Variants in WDR18 observed in about 807,000 individuals in gnomAD.
The protein encoded by WDR18 is WD repeat-containing protein 18.
A neutral mutation model predicts 49.6 loss-of-function variants in WDR18; 33 were observed. The observed-to-expected ratio is 0.67, with a 90% confidence interval of 0.50 to 0.89. WDR18 has a LOEUF of 0.89. Among genes scored for constraint, WDR18 ranks in the 40% least tolerant of loss-of-function variants. The probability of loss-of-function intolerance (pLI) is 0.00; values close to 1 mark genes in which losing one functional copy is unlikely to be tolerated. For missense variants in WDR18, 653 were observed against 593.6 expected, an observed-to-expected ratio of 1.10 and a Z score of -1.04; for synonymous variants, 315 against 263.6, an observed-to-expected ratio of 1.19 and a Z score of -1.89.
upstream of WDR18, among the ~76,000 whole-genome samples, chr19:983,654 G>A (rs928676770): frequency 2.0e-5 from 3 of 151,902 alleles, no homozygotes; most frequent in Non-Finnish European, 4.4e-5. Flanking sequence ...CAGAACTGGC[G>A]ACTTGTTTGA....
chr19:986,088 G>A, intron 2 of WDR18, 113 bp downstream of exon 2: 2 of 958,184 alleles, frequency 2.1e-6, no homozygotes, highest in Admixed American at 2.1e-5. Context: ...ATGGGTGACT[G>A]CTCAGGGGTT....
upstream of WDR18, among the ~76,000 whole-genome samples, chr19:983,765 C>A (rs1231787033): frequency 6.6e-6 from 1 of 151,472 alleles, no homozygotes; most frequent in Non-Finnish European, 1.5e-5. Context: ...CTGGGCCGGG[C>A]GCGGTGGCTC....
At chr19:984,051 C>T (rs2038446345), upstream of WDR18, among the ~76,000 whole-genome samples, 1 of 152,124 alleles carries the variant, frequency 6.6e-6, no homozygotes, top group African/African-American at 2.4e-5. Flanking sequence ...GTCACTTGGC[C>T]AAAAATGCCC....
At chr19:986,231 C>T (rs905756089) in intron 2 of WDR18, among the ~76,000 whole-genome samples, 2 of 152,212 alleles carry the variant, frequency 1.3e-5, no homozygotes, top group Non-Finnish European at 2.9e-5. Context: ...ACTCACACAC[C>T]GCAGCATCTT....
chr19:988,414 G>A (rs2038498944), intron 2 of WDR18, among the ~76,000 whole-genome samples: 1 of 152,180 alleles, frequency 6.6e-6, no homozygotes, highest in South Asian at 2.1e-4. Flanking sequence ...CCCGGCCCTG[G>A]GCAGTGGTGG....
At chr19:990,711 C>T in intron 4 of WDR18, 141 bp from the exon 5 acceptor site, 1 of 1,287,632 alleles carries the variant, frequency 7.8e-7, no homozygotes, top group East Asian at 2.6e-5. Flanking sequence ...CCAAGACCCA[C>T]ATGGTGACGG....
chr19:989,161 CCCT>C, intron 2 of WDR18, among the ~76,000 whole-genome samples: 2 of 112,900 alleles, frequency 1.8e-5, no homozygotes, highest in African/African-American at 6.7e-5. Flanking sequence ...ACCCACAACC[CCCT>C]CCAGAGCATC....
intron 8 of WDR18, 89 bp from the exon 9 acceptor site, chr19:993,931 G>A: frequency 6.9e-7 from 1 of 1,440,156 alleles, no homozygotes; most frequent in Non-Finnish European, 9.5e-7. Flanking sequence ...CTGGCTGAGT[G>A]GCTGCCCACG....
At chr19:982,961 G>C (rs1320681136), upstream of WDR18, among the ~76,000 whole-genome samples, 3 of 152,146 alleles carry the variant, frequency 2.0e-5, no homozygotes, top group African/African-American at 7.2e-5. Flanking sequence ...GCCGGGAGCC[G>C]CGGACCAGGA....
chr19:984,713 C>A, intron 1 of WDR18, 150 bp downstream of exon 1: 1 of 907,818 alleles, frequency 1.1e-6, no homozygotes, highest in Non-Finnish European at 1.5e-6. Context: ...ATGCGCGGGT[C>A]TGGGGGCTTT....
chr19:990,872 G>A lies in WDR18; in HGVS notation c.618G>A (p.Gly206=), dbSNP rs146998055. 13 of 1,610,760 alleles carry A rather than the reference G, an allele frequency of 8.1e-6. No individual in the cohort carries two copies. In the Admixed American group the frequency reaches 8.4e-5, roughly 10 times the overall value. ...QTVKLWEVSS[G]ELLLSVLFDV... ...CGCAGCTATGGGAGGTCTCCTCGGG[G>A]GAGCTGCTGCTCTCCGTCCTCTTTG... Residue 206 remains glycine, a synonymous_variant, in exon 5 of 10, where the codon GGG becomes GGA. Transcript: ENST00000585809.
intron 7 of WDR18, 37 bp downstream of exon 7, chr19:991,388 A>G (rs2038546224): frequency 3.6e-5 from 46 of 1,285,552 alleles, no homozygotes; most frequent in Non-Finnish European, 4.5e-5. Flanking sequence ...GCCAGCGCGC[A>G]GGGGAAAAAG....
Position 992,085 on chromosome 19 carries a change from C to T in WDR18, c.1062C>T (p.His354=), listed in dbSNP as rs773537014. ...LGAEHGDEPR[H]GGLTLRLGLH... ...CCGAGCACGGGGACGAGCCGCGCCA[C>T]GGGGGCCTCACTCTGCGCCTGGGCC... is the stretch of plus-strand genomic sequence containing the variant. The change falls in exon 8 of 10, where the codon CAC becomes CAT. Residue 354 remains histidine (H), a synonymous_variant. Coordinates refer to ENST00000585809, the MANE Select transcript of WDR18 (RefSeq NM_024100.4). 7.1e-6 allele frequency: 11 copies of T among 1,549,726 alleles called. No homozygotes were observed. The highest frequency in any genetic ancestry group is 2.4e-5 in the South Asian group (2 of 83,832).
chr19:993,153 C>T (rs2038581344), intron 8 of WDR18, among the ~76,000 whole-genome samples: 1 of 152,228 alleles, frequency 6.6e-6, no homozygotes, highest in Non-Finnish European at 1.5e-5. Context: ...CTGCTAACAG[C>T]GTGGGCGCAA....
Position 991,250 on chromosome 19 carries a change from T to G in WDR18, c.830T>G (p.Val277Gly). ...GHRNQVTCLS[V>G]STDGSVLLSG... ...AGGAACCAGGTGACTTGCCTGTCAGTGTCCACTGACGGCAGCGTGCTGCTC... is the reference window on the plus strand; with the variant it reads ...AGGAACCAGGTGACTTGCCTGTCAGGGTCCACTGACGGCAGCGTGCTGCTC... Residue 277 changes from valine (V) to glycine (G), a missense_variant, in exon 7 of 10, where the codon GTG (valine) becomes GGG (glycine). By Grantham distance (109) the Val-to-Gly change is moderately radical. Coordinates refer to ENST00000585809, the MANE Select transcript of WDR18 (RefSeq NM_024100.4). 2.5e-6 allele frequency: 4 copies of G among 1,574,080 alleles called. No individual in the cohort carries two copies. Among genetic ancestry groups the G allele is most frequent in the Non-Finnish European group, 3.5e-6 (4 of 1,158,306 alleles).
chr19:990,611 G>C (rs2145510095), intron 4 of WDR18: 1 of 806,846 alleles, frequency 1.2e-6, no homozygotes, highest in South Asian at 2.1e-5. Context: ...CACTATGCTT[G>C]AGTCGTGACC....
intron 3 of WDR18, 99 bp from the exon 4 acceptor site, chr19:990,124 G>C: frequency 7.0e-7 from 1 of 1,431,934 alleles, no homozygotes; most frequent in Non-Finnish European, 9.3e-7. Flanking sequence ...CCAGGCTGCT[G>C]AGTGGAGGCA....
Position 989,857 on chromosome 19 carries a change from G to T in WDR18, c.417G>T (p.Gly139=). The T allele has an allele frequency of 1.1e-5, 18 of 1,612,502 alleles. No homozygotes were observed. The highest frequency in any genetic ancestry group is 1.5e-5 in the Non-Finnish European group (18 of 1,179,684). ...GGGACAGCAGCCACTTCATCTCAGG[G>T]GGCAAGGACTGCCTGGTGCTGGTTT... is the stretch of plus-strand genomic sequence containing the variant. ...FTGDSSHFIS[G]GKDCLVLVWS... is the part of the protein sequence containing the mutation. Residue 139 remains glycine (G), a synonymous_variant, in exon 3 of 10, where the codon GGG becomes GGT. Coordinates refer to ENST00000585809, the MANE Select transcript of WDR18 (RefSeq NM_024100.4).
chr19:990,043 G>A (rs2038522975), intron 3 of WDR18, 148 bp downstream of exon 3: 4 of 1,403,278 alleles, frequency 2.9e-6, no homozygotes, highest in South Asian at 1.4e-5. Flanking sequence ...GGTCCTGGCT[G>A]CCCACACTGG....
Sources: gnomAD v4.1 joint callset for allele counts (sites outside exome capture counted in the v4.1 genomes callset) on GRCh38, gnomAD v4.1.1 for gene constraint, MANE v1.5 for transcripts, NCBI Gene and HGNC (gene_info 2026-07-23, HGNC 2026-07-21) for gene names.